Variants in GSK3B observed in about 807,000 individuals in gnomAD.
GSK3B encodes the protein glycogen synthase kinase 3 beta, also known as glycogen synthase kinase-3 beta.
In GSK3B, 15 loss-of-function variants were observed where a neutral mutation model predicts 56.4. The observed-to-expected ratio is 0.27, with a 90% CI of 0.18 to 0.41. The LOEUF is 0.41. GSK3B is among the 10% of genes least tolerant of loss of function. GSK3B has a pLI of 1.00. For missense variants in GSK3B, 300 were observed against 513.4 expected (o/e 0.58, Z 4.02); for synonymous variants, 181 against 188.9 (o/e 0.96, Z 0.34).
At chr3:119,957,065 A>G (rs763076520) in intron 2 of GSK3B, among the ~76,000 whole-genome samples, 2 of 152,192 alleles carry the variant, frequency 1.3e-5, no homozygotes, top group Non-Finnish European at 2.9e-5. Context: ...TCCCTGCACC[A>G]CAAGGCAAGA....
intron 1 of GSK3B, among the ~76,000 whole-genome samples, chr3:120,061,167 A>G (rs547550930): frequency 1.3e-5 from 2 of 152,348 alleles, no homozygotes; most frequent in East Asian, 3.9e-4. Context: ...CTCTATTTTA[A>G]AGATGCGTGA....
At chr3:119,942,779 A>C (rs1054679868) in intron 3 of GSK3B, among the ~76,000 whole-genome samples, 2 of 152,222 alleles carry the variant, frequency 1.3e-5, no homozygotes, top group African/African-American at 4.8e-5. Context: ...TATTAAAAAA[A>C]GAGAAAGACT....
chr3:119,933,153 A>G (rs2056963367), intron 3 of GSK3B, among the ~76,000 whole-genome samples: 1 of 152,224 alleles, frequency 6.6e-6, no homozygotes, highest in African/African-American at 2.4e-5. Context: ...GGCCAACAAA[A>G]CTGTAGAAAA....
At chr3:119,892,479 A>G (rs1206785365) in intron 7 of GSK3B, among the ~76,000 whole-genome samples, 1 of 152,180 alleles carries the variant, frequency 6.6e-6, no homozygotes, top group Non-Finnish European at 1.5e-5. Flanking sequence ...TCCAGACAGC[A>G]CTACTCTGAG....
In GSK3B at chr3:120,094,403, G is replaced by A. The variant is rs1396500486; in HGVS notation, c.-969C>T. ...TGGCCCGGGCGGCGGCGGCGGCGGC[G>A]GCGGCACAAGCCCGCATTCGCCCGG... On this transcript the variant is annotated 5_prime_UTR_variant, in exon 1 of 11. Transcript: ENST00000264235. The A allele has an allele frequency of 1.5e-5, 5 of 325,614 alleles. No individual in the cohort carries two copies. The highest frequency in any genetic ancestry group is 1.1e-4 in the East Asian group (2 of 18,038). The allele number at this position is 325,614 out of a possible 1,614,324, so 20.2% of individuals were successfully genotyped here.
At chr3:119,952,596 G>A (rs576183990) in intron 2 of GSK3B, among the ~76,000 whole-genome samples, 1 of 148,500 alleles carries the variant, frequency 6.7e-6, no homozygotes, top group African/African-American at 2.5e-5. Flanking sequence ...TAAACAGTTT[G>A]AAGCCACCAA....
intron 3 of GSK3B, among the ~76,000 whole-genome samples, chr3:119,935,934 G>A (rs570042575): frequency 7.1e-4 from 108 of 152,052 alleles, no homozygotes; most frequent in Non-Finnish European, 1.4e-3. Flanking sequence ...TGTAAGGTAG[G>A]TTTAACATTC....
intron 1 of GSK3B, among the ~76,000 whole-genome samples, chr3:120,085,560 G>A (rs969041197): frequency 1.4e-4 from 21 of 152,314 alleles, no homozygotes; most frequent in African/African-American, 5.1e-4. Context: ...TGTACTTTGC[G>A]AGGCTGAGGC....
At position 120,093,502 on chromosome 3, in the gene GSK3B, G is replaced by A; in HGVS notation, c.-68C>T. On this transcript the variant is annotated 5_prime_UTR_variant, in exon 1 of 11. Coordinates refer to ENST00000264235, the MANE Select transcript of GSK3B (RefSeq NM_001146156.2). ...TTCTTCCTTTTGTCTTTATGTTGGG[G>A]TGTTAGGTTAACGATAAATGCAGCA... 9.8e-7 allele frequency: 1 copy of A among 1,018,066 alleles called. No homozygotes were observed. Among genetic ancestry groups the A allele is most frequent in the Non-Finnish European group, 1.6e-6 (1 of 644,162 alleles). 63.1% of individuals were successfully genotyped at this position (1,018,066 alleles called of 1,614,324 possible). A position where few individuals can be genotyped will look rare whatever the true frequency, so the allele number is the denominator to read the frequency against.
At position 120,093,890 on chromosome 3, in the gene GSK3B, G is replaced by T. The variant is rs769047496; in HGVS notation, c.-456C>A. ...AGTCTCACGCTTGAAGAGAAAGGGG[G>T]ATGGGTAGGAGGGAGGGAGAGGGAG... On this transcript the variant is annotated 5_prime_UTR_variant, in exon 1 of 11. Coordinates refer to ENST00000264235, the MANE Select transcript of GSK3B (RefSeq NM_001146156.2). 1.6e-5 allele frequency: 3 copies of T among 191,136 alleles called. No homozygotes were observed. In the East Asian group the frequency reaches 2.5e-4, roughly 16 times the overall value. The allele number at this position is 191,136 out of a possible 1,614,324, so 11.8% of individuals were successfully genotyped here.
At chr3:119,900,878 G>C (rs570189485) in intron 7 of GSK3B, among the ~76,000 whole-genome samples, 2 of 152,164 alleles carry the variant, frequency 1.3e-5, no homozygotes, top group East Asian at 3.9e-4. Flanking sequence ...AATATTTATA[G>C]AAGTATTTTT....
At chr3:119,865,079 T>C (rs2056159253) in intron 8 of GSK3B, among the ~76,000 whole-genome samples, 1 of 152,132 alleles carries the variant, frequency 6.6e-6, no homozygotes, top group African/African-American at 2.4e-5. Flanking sequence ...TCCCCTCTCT[T>C]GCTCCCAAGG....
intron 7 of GSK3B, among the ~76,000 whole-genome samples, chr3:119,888,548 T>C (rs1410952122): frequency 2.0e-5 from 3 of 152,142 alleles, no homozygotes; most frequent in African/African-American, 4.8e-5. Flanking sequence ...AGGCCCACTA[T>C]TGTGTTAACT....
chr3:119,947,414 A>ACAT, intron 2 of GSK3B, 63 bp from the exon 3 acceptor site: 1 of 1,006,096 alleles, frequency 9.9e-7, no homozygotes, highest in East Asian at 2.4e-5. Context: ...ATATTGAACA[A>ACAT]GATGCTTCTG....
chr3:120,072,723 A>T (rs1252085415), intron 1 of GSK3B, among the ~76,000 whole-genome samples: 1 of 152,214 alleles, frequency 6.6e-6, no homozygotes, highest in Non-Finnish European at 1.5e-5. Context: ...TTCAACATTC[A>T]TCATTTATTA....
chr3:119,890,484 C>A (rs1453108958), intron 7 of GSK3B, among the ~76,000 whole-genome samples: 2 of 151,808 alleles, frequency 1.3e-5, no homozygotes, highest in African/African-American at 4.8e-5. Flanking sequence ...GGAAACTGAC[C>A]ACAAAGGAGA....
intron 2 of GSK3B, among the ~76,000 whole-genome samples, chr3:119,969,306 A>T (rs923079305): frequency 6.6e-6 from 1 of 151,726 alleles, no homozygotes; most frequent in Admixed American, 6.6e-5. Flanking sequence ...AAAAAAAAAA[A>T]TCTATATGAT....
At position 119,856,612 on chromosome 3, in the gene GSK3B, CT is replaced by C. The variant is rs1471236130; in HGVS notation, c.1096+6806del. On this transcript the variant is annotated intron_variant, in intron 9 of 10. Coordinates refer to ENST00000264235, the MANE Select transcript of GSK3B (RefSeq NM_001146156.2). ...ATCTTACCTGCCCCCTTTTAGTCCA[CT>C]CATAAATTTTCTCAAGTTCTCCCTG... Among the ~76,000 whole-genome samples, 3 of 152,180 alleles carry C rather than the reference CT, an allele frequency of 2.0e-5. No individual in the cohort carries two copies. The East Asian group carries it at 5.8e-4, about 29-fold the overall frequency.
chr3:120,070,869 T>C (rs1413856368), intron 1 of GSK3B, among the ~76,000 whole-genome samples: 1 of 152,206 alleles, frequency 6.6e-6, no homozygotes, highest in East Asian at 1.9e-4. Context: ...ATCGGCAAGA[T>C]TAGGGATCCA....
Sources: gnomAD v4.1 joint callset for allele counts (sites outside exome capture counted in the v4.1 genomes callset) on GRCh38, gnomAD v4.1.1 for gene constraint, MANE v1.5 for transcripts, NCBI Gene and HGNC (gene_info 2026-07-23, HGNC 2026-07-21) for gene names.